The following MAL2 variants were observed in gnomAD, a reference collection of about 807,000 sequenced individuals.
MAL2 encodes protein MAL2.
A neutral mutation model predicts 18.1 loss-of-function variants in MAL2; 17 were observed. The observed-to-expected ratio is 0.94, with a 90% CI of 0.64 to 1.41. The LOEUF (loss-of-function observed/expected upper bound fraction) is 1.41, where lower values mean the gene tolerates loss of function less well. MAL2 is among the 40% of genes most tolerant of loss of function. The pLI, the probability that MAL2 is intolerant of heterozygous loss-of-function variation, is 0.00. For missense variants in MAL2, 222 were observed against 231.9 expected (o/e 0.96, Z 0.28); for synonymous variants, 102 against 102.3 (o/e 1.00, Z 0.02).
chr8:119,221,952 G>A (rs2129812105), intron 2 of MAL2, among the ~76,000 whole-genome samples, 195 bp downstream of exon 2: 1 of 152,140 alleles, frequency 6.6e-6, no homozygotes, highest in South Asian at 2.1e-4. Context: ...CGAAATCTCT[G>A]TGTTGATAGA....
At chr8:119,211,031 G>C (rs1293795812) in intron 1 of MAL2, among the ~76,000 whole-genome samples, 1 of 152,198 alleles carries the variant, frequency 6.6e-6, no homozygotes, top group African/African-American at 2.4e-5. Context: ...CATGCTTTAA[G>C]AGAGCAGAGA....
At chr8:119,223,626 G>A (rs1817516785) in intron 2 of MAL2, among the ~76,000 whole-genome samples, 1 of 152,170 alleles carries the variant, frequency 6.6e-6, no homozygotes, top group South Asian at 2.1e-4. Context: ...CTTTTAGCTG[G>A]AGTAGTCTTT....
chr8:119,239,977 G>T (rs1159324185), intron 2 of MAL2, among the ~76,000 whole-genome samples, 188 bp from the exon 3 acceptor site: 1 of 152,132 alleles, frequency 6.6e-6, no homozygotes, highest in Non-Finnish European at 1.5e-5. Context: ...CAATTAAGAT[G>T]GGTCAGTTGA....
intron 2 of MAL2, among the ~76,000 whole-genome samples, chr8:119,239,121 A>T (rs986719799): frequency 3.3e-5 from 5 of 152,256 alleles, no homozygotes; most frequent in African/African-American, 7.2e-5. Context: ...GAAGGATATG[A>T]ACAGACACTT....
chr8:119,226,903 G>C (rs537341044), intron 2 of MAL2, among the ~76,000 whole-genome samples: 8 of 152,300 alleles, frequency 5.3e-5, no homozygotes, highest in African/African-American at 1.9e-4. Flanking sequence ...TAGCAGAAAT[G>C]ATCTGGGCTG....
chr8:119,238,898 A>ATT (rs1817979225), intron 2 of MAL2, among the ~76,000 whole-genome samples: 2 of 151,856 alleles, frequency 1.3e-5, no homozygotes, highest in Non-Finnish European at 2.9e-5. Flanking sequence ...ACCAAAAGCA[A>ATT]TGGCAACACA....
chr8:119,215,816 A>C (rs1262554964), intron 1 of MAL2, among the ~76,000 whole-genome samples: 1 of 152,154 alleles, frequency 6.6e-6, no homozygotes, highest in Non-Finnish European at 1.5e-5. Flanking sequence ...GGAGGGGGGC[A>C]GCAGTATGCC....
chr8:119,225,448 A>C (rs1172734264), intron 2 of MAL2, among the ~76,000 whole-genome samples: 1 of 152,228 alleles, frequency 6.6e-6, no homozygotes, highest in East Asian at 1.9e-4. Context: ...TGCAAAGGAC[A>C]TGAACTCATT....
At chr8:119,239,664 G>T (rs370466888) in intron 2 of MAL2, among the ~76,000 whole-genome samples, 5 of 149,908 alleles carry the variant, frequency 3.3e-5, no homozygotes, top group African/African-American at 7.6e-5. Flanking sequence ...GTAAACTATC[G>T]CAAGAACAAA....
chr8:119,241,222 A>C (rs188604837), intron 3 of MAL2, among the ~76,000 whole-genome samples: 1 of 152,138 alleles, frequency 6.6e-6, no homozygotes, highest in Non-Finnish European at 1.5e-5. Context: ...TCATGTGGCT[A>C]TTGAGCAGTT....
intron 1 of MAL2, among the ~76,000 whole-genome samples, chr8:119,214,774 G>C (rs1444448109): frequency 6.6e-6 from 1 of 152,158 alleles, no homozygotes; most frequent in Non-Finnish European, 1.5e-5. Context: ...CAAATGTAAA[G>C]CTAAAAAGTA....
chr8:119,209,793 G>A (rs558052242), intron 1 of MAL2, among the ~76,000 whole-genome samples: 1 of 152,318 alleles, frequency 6.6e-6, no homozygotes, highest in Non-Finnish European at 1.5e-5. Context: ...TGAGTGAGTT[G>A]CAGGCTATGA....
rs1340392648 is a variant in MAL2, at chr8:119,243,636, A to G, written c.*148A>G. On this transcript the variant is annotated 3_prime_UTR_variant, in exon 4 of 4. Coordinates refer to ENST00000614891, the MANE Select transcript of MAL2 (RefSeq NM_052886.3). Reference sequence around the variant, plus strand: ...AGACTCTAAGCTCAAGTTCTGGTTTATTTCATGGATGGAATGTTAATTTTA... The same window carrying G: ...AGACTCTAAGCTCAAGTTCTGGTTTGTTTCATGGATGGAATGTTAATTTTA... 16 of 494,716 alleles carry G rather than the reference A, an allele frequency of 3.2e-5. No homozygotes were observed. The highest frequency in any genetic ancestry group is 3.0e-4 in the Middle Eastern group (1 of 3,304). The allele number at this position is 494,716 out of a possible 1,614,324, so 30.6% of individuals were successfully genotyped here. A position where few individuals can be genotyped will look rare whatever the true frequency, so the allele number is the denominator to read the frequency against.
At chr8:119,217,041 C>T (rs765055067) in intron 1 of MAL2, among the ~76,000 whole-genome samples, 30 of 152,212 alleles carry the variant, frequency 2.0e-4, no homozygotes, top group African/African-American at 6.3e-4. Flanking sequence ...AATTCATGCA[C>T]CCAGAATTGC....
chr8:119,208,719 G>A lies in MAL2; in HGVS notation c.132+115G>A, dbSNP rs1817225241. 8.2e-7 allele frequency: 1 copy of A among 1,213,390 alleles called. No homozygotes were observed. Among genetic ancestry groups the A allele is most frequent in the African/African-American group, 1.6e-5 (1 of 63,408 alleles). The allele number at this position is 1,213,390 out of a possible 1,614,324, so 75.2% of individuals were successfully genotyped here. On this transcript the variant is annotated intron_variant, in intron 1 of 3. Transcript: ENST00000614891. This position sits in a 1 kb window ranked among gnomAD's most constrained non-coding sequence, Gnocchi z 4.3. ...CCCCCGGCCTCCTTCCCTTCGACGTGGCTTTGTCCTGCGCTCCCTCCCGGG... is the reference window on the plus strand; with the variant it reads ...CCCCCGGCCTCCTTCCCTTCGACGTAGCTTTGTCCTGCGCTCCCTCCCGGG...
intron 1 of MAL2, among the ~76,000 whole-genome samples, chr8:119,219,956 G>A (rs1421095994): frequency 1.3e-5 from 2 of 152,160 alleles, no homozygotes; most frequent in African/African-American, 4.8e-5. Context: ...TGACATTCAC[G>A]GCATGCAAGT....
At chr8:119,242,311 CTT>C (rs1489842276) in intron 3 of MAL2, among the ~76,000 whole-genome samples, 2 of 152,176 alleles carry the variant, frequency 1.3e-5, no homozygotes, top group African/African-American at 4.8e-5. Context: ...TCTTTTGTGA[CTT>C]TGTCCCTGTT....
chr8:119,211,192 A>G (rs1817263496), intron 1 of MAL2, among the ~76,000 whole-genome samples: 1 of 152,174 alleles, frequency 6.6e-6, no homozygotes, highest in African/African-American at 2.4e-5. Flanking sequence ...GCCATCTCCC[A>G]TGGCTCCTCC....
chr8:119,210,265 C>T (rs1475538147), intron 1 of MAL2, among the ~76,000 whole-genome samples: 1 of 152,030 alleles, frequency 6.6e-6, no homozygotes, highest in African/African-American at 2.4e-5. Context: ...AATATATATA[C>T]ATGTGTATAT....
Sources: gnomAD v4.1 joint callset for allele counts (sites outside exome capture counted in the v4.1 genomes callset) on GRCh38, gnomAD v4.1.1 for gene constraint, Gnocchi (gnomAD v3.1) non-coding constraint, MANE v1.5 for transcripts, NCBI Gene and HGNC (gene_info 2026-07-23, HGNC 2026-07-21) for gene names.